Variants in DCC observed in about 807,000 individuals in gnomAD.
DCC encodes the protein DCC netrin 1 receptor.
In DCC, 58 loss-of-function variants were observed where a neutral mutation model predicts 172.5. The ratio of observed to expected loss-of-function variants is 0.34; its 90% CI spans 0.27 to 0.42. The LOEUF (loss-of-function observed/expected upper bound fraction) is 0.42. Ranked by LOEUF, DCC falls within the 10% of genes least tolerant of loss-of-function variation. The pLI is 1.00. For synonymous variants in DCC, 709 were observed against 644.5 expected, an observed-to-expected ratio of 1.10 and a Z score of -1.52; for missense variants, 1,740 against 1,791.0, an observed-to-expected ratio of 0.97 and a Z score of 0.51.
intron 22 of DCC, among the ~76,000 whole-genome samples, chr18:53,436,711 C>T (rs1349476843): frequency 1.3e-5 from 2 of 152,136 alleles, no homozygotes; most frequent in East Asian, 3.9e-4. Context: ...TTTTCCTAAC[C>T]AGCAACACGT....
At chr18:52,956,502 A>G (rs553023519) in intron 5 of DCC, among the ~76,000 whole-genome samples, 1 of 152,104 alleles carries the variant, frequency 6.6e-6, no homozygotes, top group Non-Finnish European at 1.5e-5. Flanking sequence ...ATAGATTTAT[A>G]GTAGTAAATC....
At chr18:52,404,667 TTTTTTA>T in intron 1 of DCC, among the ~76,000 whole-genome samples, 1 of 151,852 alleles carries the variant, frequency 6.6e-6, no homozygotes, top group African/African-American at 2.4e-5. Context: ...TTTCTTTTTT[TTTTTTA>T]AATTATACTT....
At position 53,532,517 on chromosome 18, in the gene DCC, A is replaced by T. The variant is rs1044995102; in HGVS notation, c.*1864A>T. The T allele has an allele frequency of 2.0e-5, 3 of 152,200 alleles. No individual in the cohort carries two copies. Among genetic ancestry groups the T allele is most frequent in the Non-Finnish European group, 4.4e-5 (3 of 68,034 alleles). 9.4% of individuals were successfully genotyped at this position (152,200 alleles called of 1,614,324 possible). A position where few individuals can be genotyped will look rare whatever the true frequency, so the allele number is the denominator to read the frequency against. ...ATGGGACAGACTACTCTTATTTAAC[A>T]TCTGGGCACTTAGGTAGACAACCTT... On this transcript the variant is annotated 3_prime_UTR_variant, in exon 29 of 29. Coordinates refer to ENST00000442544, the MANE Select transcript of DCC (RefSeq NM_005215.4).
chr18:53,171,208 C>G (rs1197932936), intron 8 of DCC, among the ~76,000 whole-genome samples: 1 of 152,030 alleles, frequency 6.6e-6, no homozygotes, highest in African/African-American at 2.4e-5. Context: ...GATGCAAACT[C>G]CCTTTGATAT....
chr18:53,428,561 T>TAA (rs1555670649), intron 21 of DCC, among the ~76,000 whole-genome samples: 1 of 42,828 alleles, frequency 2.3e-5, no homozygotes. Flanking sequence ...TATATTTATA[T>TAA]ATATATTTAT....
intron 1 of DCC, among the ~76,000 whole-genome samples, chr18:52,347,236 G>T (rs959788445): frequency 6.6e-6 from 1 of 152,074 alleles, no homozygotes. Context: ...AGAGAAAAAA[G>T]AAGTTAAGCA....
intron 1 of DCC, among the ~76,000 whole-genome samples, chr18:52,544,296 T>C (rs952743360): frequency 6.6e-6 from 1 of 152,226 alleles, no homozygotes; most frequent in Admixed American, 6.5e-5. Flanking sequence ...CACCTTGTCA[T>C]GCTGGGGGAA....
chr18:53,070,137 G>A (rs776436567), intron 7 of DCC, among the ~76,000 whole-genome samples: 8 of 151,960 alleles, frequency 5.3e-5, no homozygotes, highest in Non-Finnish European at 8.8e-5. Context: ...CCACCACCAA[G>A]CCCAGCTAAT....
chr18:53,072,538 G>T (rs921447570), intron 7 of DCC, among the ~76,000 whole-genome samples: 6 of 152,180 alleles, frequency 3.9e-5, no homozygotes, highest in African/African-American at 1.4e-4. Flanking sequence ...GAGGGCCGTG[G>T]AACTGGGAAT....
intron 1 of DCC, among the ~76,000 whole-genome samples, chr18:52,744,505 A>C (rs1364588006): frequency 6.6e-6 from 1 of 152,176 alleles, no homozygotes; most frequent in African/African-American, 2.4e-5. Context: ...ATTTGTCTTA[A>C]ATGGCTTTAA....
chr18:53,161,768 C>T (rs996139570), intron 8 of DCC, among the ~76,000 whole-genome samples: 6 of 152,006 alleles, frequency 3.9e-5, no homozygotes, highest in South Asian at 2.1e-4. Context: ...ATTCATAGCT[C>T]GTAGTTAATT....
chr18:52,561,502 A>G (rs1208483255), intron 1 of DCC, among the ~76,000 whole-genome samples: 2 of 152,066 alleles, frequency 1.3e-5, no homozygotes, highest in East Asian at 3.9e-4. Context: ...CAGTTTTGGA[A>G]TTGATCTCTG....
Position 53,239,934 on chromosome 18 carries a change from G to A in DCC, c.1911+24337G>A, listed in dbSNP as rs1194300542. 2.0e-5 allele frequency among the ~76,000 whole-genome samples: 3 copies of A among 148,888 alleles called. No homozygotes were observed. The Admixed American group carries it at 2.0e-4, about 10-fold the overall frequency. On this transcript the variant is annotated intron_variant, in intron 12 of 28. Coordinates refer to ENST00000442544, the MANE Select transcript of DCC (RefSeq NM_005215.4). ...ACATTTTAATCAGAACAAGGGCAGA[G>A]CAACGAAGGCAATGCTTTTTATTTT...
chr18:53,237,846 T>TG (rs1457077346), intron 12 of DCC, among the ~76,000 whole-genome samples: 1 of 152,174 alleles, frequency 6.6e-6, no homozygotes, highest in Non-Finnish European at 1.5e-5. Flanking sequence ...TTACTAGTTG[T>TG]GAAATTATGT....
At chr18:53,220,289 G>A (rs780475569) in intron 12 of DCC, among the ~76,000 whole-genome samples, 54 of 152,074 alleles carry the variant, frequency 3.6e-4, no homozygotes, top group Non-Finnish European at 6.2e-4. Flanking sequence ...TCCCTGCTGC[G>A]TGACAATCTC....
rs1568049119 is a variant in DCC, at chr18:53,313,021, G to GCGGA, written c.2053+7302_2053+7303insCGGA. 5.6e-5 allele frequency among the ~76,000 whole-genome samples: 4 copies of GCGGA among 71,470 alleles called. No homozygotes were observed. The East Asian group carries it at 1.3e-3, about 23-fold the overall frequency. The allele number at this position is 71,470 out of a possible 152,430, so 46.9% of individuals were successfully genotyped here. ...GGGAGGAAGGAAGGGAGGAAGAAAG[G>GCGGA]AAGGGAAGAAGGAGGAAAGGGAAGA... On this transcript the variant is annotated intron_variant, in intron 13 of 28. Transcript: ENST00000442544.
intron 1 of DCC, among the ~76,000 whole-genome samples, chr18:52,705,898 G>C (rs1210083226): frequency 6.6e-6 from 1 of 152,140 alleles, no homozygotes. Context: ...AGATTTTGAA[G>C]TTTAATGTTC....
At chr18:53,083,652 A>C (rs1212422979) in intron 7 of DCC, among the ~76,000 whole-genome samples, 2 of 152,166 alleles carry the variant, frequency 1.3e-5, no homozygotes, top group Non-Finnish European at 2.9e-5. Flanking sequence ...ACAAATACAA[A>C]AAAAATATGA....
At chr18:52,377,231 T>C (rs1985387429) in intron 1 of DCC, among the ~76,000 whole-genome samples, 1 of 152,204 alleles carries the variant, frequency 6.6e-6, no homozygotes. Context: ...TTATGATTTT[T>C]CCAGAAGAGA....
Sources: allele counts gnomAD v4.1 joint callset (sites outside exome capture counted in the v4.1 genomes callset), GRCh38; gene constraint gnomAD v4.1.1; transcripts MANE v1.5; gene names NCBI Gene and HGNC (gene_info 2026-07-23, HGNC 2026-07-21).